CNTNAP4: variants seen among roughly 807,000 people sequenced by gnomAD.
CNTNAP4 encodes the protein contactin associated protein family member 4.
In CNTNAP4, 98 loss-of-function variants were observed where a neutral mutation model predicts 148.4. That is an observed-to-expected ratio of 0.66 (90% CI 0.56 to 0.78). CNTNAP4 has a LOEUF of 0.78. Ranked by LOEUF, CNTNAP4 falls within the 30% of genes least tolerant of loss-of-function variation. CNTNAP4 has a pLI of 0.00. For missense variants in CNTNAP4, 1,935 were observed against 1,565.6 expected (o/e 1.24, Z -3.98); for synonymous variants, 730 against 565.1 (o/e 1.29, Z -4.14).
chr16:76,280,982 A>G (rs1357961379), intron 1 of CNTNAP4, among the ~76,000 whole-genome samples: 1 of 152,054 alleles, frequency 6.6e-6, no homozygotes, highest in Non-Finnish European at 1.5e-5. Context: ...ACTGAGCCGT[A>G]CTCTTGAGAA....
chr16:76,556,942 C>G (rs1419382141), intron 23 of CNTNAP4, among the ~76,000 whole-genome samples: 5 of 152,130 alleles, frequency 3.3e-5, no homozygotes, highest in African/African-American at 9.7e-5. Context: ...GCACAGGAAT[C>G]TGTTGTGATT....
At chr16:76,438,771 GAC>G (rs929004836) in intron 4 of CNTNAP4, among the ~76,000 whole-genome samples, 1 of 151,922 alleles carries the variant, frequency 6.6e-6, no homozygotes, top group African/African-American at 2.4e-5. Context: ...GGCCGCTGCT[GAC>G]ACATAGGGTT....
In CNTNAP4 at chr16:76,277,402, CT is replaced by C. The variant is rs1480114050; in HGVS notation, c.-257del. On this transcript the variant is annotated 5_prime_UTR_variant, in exon 1 of 24. Coordinates refer to ENST00000611870, the MANE Select transcript of CNTNAP4 (RefSeq NM_033401.5). ...TGCTTGTTAGGAAAGATGCTGAGTG[CT>C]TTTCAGTGAGGAGTCAGGGAGGTGT... 3 of 416,074 alleles carry C rather than the reference CT, an allele frequency of 7.2e-6. No individual in the cohort carries two copies. Among genetic ancestry groups the C allele is most frequent in the African/African-American group, 2.0e-5 (1 of 49,420 alleles). 25.8% of individuals were successfully genotyped at this position (416,074 alleles called of 1,614,324 possible). A position where few individuals can be genotyped will look rare whatever the true frequency, so the allele number is the denominator to read the frequency against.
intron 3 of CNTNAP4, among the ~76,000 whole-genome samples, chr16:76,407,691 A>T (rs1441758726): frequency 6.6e-6 from 1 of 152,102 alleles, no homozygotes; most frequent in African/African-American, 2.4e-5. Context: ...TGAGAGAAGA[A>T]AGTGGTTTCT....
intron 15 of CNTNAP4, among the ~76,000 whole-genome samples, chr16:76,514,465 C>A (rs368260606): frequency 4.6e-5 from 7 of 152,254 alleles, no homozygotes; most frequent in African/African-American, 1.7e-4. Context: ...GAAATATCTT[C>A]TTCAGTGATA....
intron 21 of CNTNAP4, among the ~76,000 whole-genome samples, chr16:76,549,752 A>G (rs2084887183): frequency 6.6e-6 from 1 of 152,178 alleles, no homozygotes; most frequent in Non-Finnish European, 1.5e-5. Flanking sequence ...CAAGTGAATG[A>G]AGTATTTGAC....
chr16:76,351,670 A>T (rs1044248886), intron 2 of CNTNAP4, among the ~76,000 whole-genome samples: 3 of 152,332 alleles, frequency 2.0e-5, no homozygotes, highest in Admixed American at 1.3e-4. Context: ...GCATACCAGT[A>T]GTACCTTTTC....
Position 76,494,862 on chromosome 16 carries a change from G to A in CNTNAP4, c.2081-48G>A, listed in dbSNP as rs1294249647. ...AAAAGGAATTATATTGGGAGAGAAG[G>A]TGGTGGAACATAAAACAGATGTCAC... is the stretch of plus-strand genomic sequence containing the variant. On this transcript the variant is annotated intron_variant, in intron 13 of 23. Coordinates refer to ENST00000611870, the MANE Select transcript of CNTNAP4 (RefSeq NM_033401.5). 1.9e-6 allele frequency: 3 copies of A among 1,561,280 alleles called. No individual in the cohort carries two copies. The African/African-American group carries it at 4.1e-5, about 21-fold the overall frequency.
At position 76,535,659 on chromosome 16, in the gene CNTNAP4, G is replaced by A. The variant is rs746564680; in HGVS notation, c.2870G>A (p.Gly957Asp). Residue 957 changes from glycine to aspartate, a missense_variant, in exon 18 of 24, where the codon GGT (glycine) becomes GAT (aspartate). Gly to Asp is a moderately conservative substitution (Grantham distance 94). Transcript: ENST00000611870. ...CAGGTGACTCCAGAAGTGCAGCCAG[G>A]TTGTAGGGGACATTGCAGCAGCTAT... ...RAQVTPEVQP[G>D]CRGHCSSYGK... The A allele has an allele frequency of 6.2e-5, 100 of 1,613,966 alleles. No homozygotes were observed. The highest frequency in any genetic ancestry group is 7.9e-5 in the Non-Finnish European group (93 of 1,180,002).
intron 3 of CNTNAP4, among the ~76,000 whole-genome samples, chr16:76,410,058 G>C (rs138842277): frequency 1.6e-4 from 25 of 151,850 alleles, no homozygotes; most frequent in Non-Finnish European, 1.9e-4. Flanking sequence ...AGATTTTCCA[G>C]CTGTTAAGTG....
chr16:76,509,002 T>C (rs113822813), intron 15 of CNTNAP4, among the ~76,000 whole-genome samples: 17,851 of 95,852 alleles, frequency 0.19, 5,252 homozygotes, highest in African/African-American at 0.37. Context: ...CCACCCGCCT[T>C]GGCCTCCCAA....
chr16:76,345,745 C>G (rs1404577228), intron 2 of CNTNAP4, among the ~76,000 whole-genome samples: 2 of 152,160 alleles, frequency 1.3e-5, no homozygotes, highest in Non-Finnish European at 2.9e-5. Context: ...GATTGTAAAA[C>G]TGGCAAGAGG....
chr16:76,350,551 C>T (rs1275600812), intron 2 of CNTNAP4, among the ~76,000 whole-genome samples: 2 of 152,086 alleles, frequency 1.3e-5, no homozygotes, highest in Non-Finnish European at 2.9e-5. Flanking sequence ...AAGTGGTAGG[C>T]AACAAATAAA....
intron 11 of CNTNAP4, among the ~76,000 whole-genome samples, chr16:76,479,134 C>A (rs1597677380): frequency 6.6e-6 from 1 of 152,050 alleles, no homozygotes; most frequent in South Asian, 2.1e-4. Flanking sequence ...TTTCCTTGTT[C>A]TTCATAATGT....
At chr16:76,483,582 G>A (rs1028116220) in intron 12 of CNTNAP4, among the ~76,000 whole-genome samples, 6 of 152,142 alleles carry the variant, frequency 3.9e-5, no homozygotes, top group Non-Finnish European at 7.3e-5. Context: ...GGCTCAGTGC[G>A]TGCAACCTTC....
intron 2 of CNTNAP4, among the ~76,000 whole-genome samples, chr16:76,353,435 A>G (rs1180066107): frequency 6.6e-6 from 1 of 152,174 alleles, no homozygotes; most frequent in Non-Finnish European, 1.5e-5. Flanking sequence ...CTGCTTTGAC[A>G]CAGTTTTGAC....
chr16:76,324,189 C>T (rs556962156), intron 2 of CNTNAP4, among the ~76,000 whole-genome samples: 1 of 152,316 alleles, frequency 6.6e-6, no homozygotes, highest in African/African-American at 2.4e-5. Context: ...CTTCAGCTTT[C>T]ATAAGATACA....
intron 14 of CNTNAP4, among the ~76,000 whole-genome samples, chr16:76,497,463 G>A (rs921621719): frequency 8.5e-5 from 13 of 152,146 alleles, no homozygotes; most frequent in Admixed American, 2.6e-4. Context: ...AATAAACCAA[G>A]AGGAGGCAGC....
At chr16:76,289,170 A>G (rs1212451810) in intron 1 of CNTNAP4, among the ~76,000 whole-genome samples, 6 of 152,176 alleles carry the variant, frequency 3.9e-5, no homozygotes, top group Non-Finnish European at 5.9e-5. Flanking sequence ...CATCATGAGT[A>G]TAAAATAAAA....
Sources: gnomAD v4.1 joint callset for allele counts (sites outside exome capture counted in the v4.1 genomes callset) on GRCh38, gnomAD v4.1.1 for gene constraint, MANE v1.5 for transcripts, NCBI Gene and HGNC (gene_info 2026-07-23, HGNC 2026-07-21) for gene names.